Variants in SNTG1 observed in about 807,000 individuals in gnomAD.
The protein encoded by SNTG1 is syntrophin gamma 1.
Under a neutral mutation model 74.7 loss-of-function variants are expected in SNTG1, and 39 were observed. The observed-to-expected ratio is 0.52, with a 90% confidence interval of 0.40 to 0.68. The LOEUF is 0.68. SNTG1 is among the 30% of genes least tolerant of loss of function. The pLI is 0.00. For missense variants in SNTG1, 685 were observed against 609.5 expected (o/e 1.12, Z -1.30); for synonymous variants, 254 against 217.1 (o/e 1.17, Z -1.49).
At chr8:50,339,056 T>C (rs1281940165) in intron 2 of SNTG1, among the ~76,000 whole-genome samples, 2 of 151,870 alleles carry the variant, frequency 1.3e-5, no homozygotes, top group African/African-American at 4.8e-5. Context: ...AGAAAAAAAA[T>C]CACCTTACTT....
At position 50,524,712 on chromosome 8, in the gene SNTG1, A is replaced by G. The variant is rs574862851; in HGVS notation, c.467-5465A>G. Among the ~76,000 whole-genome samples the G allele has an allele frequency of 3.9e-5, 6 of 152,284 alleles. No homozygotes were observed. In the South Asian group the frequency reaches 6.2e-4, roughly 16 times the overall value. ...ACATATTTACATTGTATTTGGTATT[A>G]TATGCAATCTGGAGATGATTTAAAA... is the stretch of plus-strand genomic sequence containing the variant. On this transcript the variant is annotated intron_variant, in intron 9 of 18. Transcript: ENST00000642720.
intron 17 of SNTG1, among the ~76,000 whole-genome samples, chr8:50,720,234 C>A (rs182361519): frequency 6.6e-6 from 1 of 152,298 alleles, no homozygotes; most frequent in Admixed American, 6.5e-5. Context: ...AGATTTAATT[C>A]TATCCTCTTG....
intron 17 of SNTG1, among the ~76,000 whole-genome samples, chr8:50,742,880 G>C (rs563268242): frequency 6.6e-6 from 1 of 151,800 alleles, no homozygotes; most frequent in Admixed American, 6.6e-5. Flanking sequence ...TGGATTAAGA[G>C]ACAATTTTAT....
intron 2 of SNTG1, among the ~76,000 whole-genome samples, chr8:50,257,555 G>A (rs1397030215): frequency 6.6e-6 from 1 of 152,116 alleles, no homozygotes; most frequent in African/African-American, 2.4e-5. Flanking sequence ...AGTTAAGAGG[G>A]GGTAAAATGG....
intron 15 of SNTG1, among the ~76,000 whole-genome samples, chr8:50,693,724 T>G (rs1265085404): frequency 1.3e-5 from 2 of 152,176 alleles, no homozygotes; most frequent in Non-Finnish European, 2.9e-5. Context: ...AAGACAAGTC[T>G]CAGCAAATTT....
chr8:50,052,047 G>A (rs1819621623), intron 1 of SNTG1, among the ~76,000 whole-genome samples: 1 of 152,032 alleles, frequency 6.6e-6, no homozygotes, highest in Non-Finnish European at 1.5e-5. Context: ...TGCAGAAATT[G>A]AGAATCAGAT....
chr8:50,002,830 A>AT (rs1169282690), intron 1 of SNTG1, among the ~76,000 whole-genome samples: 1 of 152,216 alleles, frequency 6.6e-6, no homozygotes, highest in Non-Finnish European at 1.5e-5. Flanking sequence ...GTAATAGCCA[A>AT]AAAACAGAAC....
chr8:50,381,403 A>T lies in SNTG1; in HGVS notation c.-27-12809A>T, dbSNP rs534141929. 4.8e-4 allele frequency among the ~76,000 whole-genome samples: 73 copies of T among 151,626 alleles called. 1 individual carries two copies. The South Asian group carries it at 0.015, about 31-fold the overall frequency. ...AAAGCATTAAAAATTTCATATCTGA[A>T]TAAGAAAAAAAGTAATATGGGAAGA... On this transcript the variant is annotated intron_variant, in intron 2 of 18. Transcript: ENST00000642720.
intron 1 of SNTG1, among the ~76,000 whole-genome samples, chr8:50,118,198 A>G (rs2080887962): frequency 6.6e-6 from 1 of 152,162 alleles, no homozygotes; most frequent in Non-Finnish European, 1.5e-5. Flanking sequence ...TTGACCCACT[A>G]AGAGTCCATT....
intron 1 of SNTG1, among the ~76,000 whole-genome samples, chr8:50,052,475 A>G (rs2130885237): frequency 1.3e-5 from 2 of 152,248 alleles, no homozygotes; most frequent in South Asian, 4.1e-4. Context: ...ACACTCTTAT[A>G]GGAAAATGTA....
intron 8 of SNTG1, among the ~76,000 whole-genome samples, chr8:50,452,106 A>G (rs2093463170): frequency 6.6e-6 from 1 of 152,190 alleles, no homozygotes; most frequent in South Asian, 2.1e-4. Context: ...GCTGCACAAG[A>G]ACCGAGACGA....
At chr8:49,935,237 GTGTT>G (rs1330830112) in intron 1 of SNTG1, among the ~76,000 whole-genome samples, 23 of 146,310 alleles carry the variant, frequency 1.6e-4, no homozygotes, top group African/African-American at 5.5e-4. Flanking sequence ...GTGTGTGTGT[GTGTT>G]TGTGTGTGTT....
chr8:50,039,786 A>AT (rs760660730), intron 1 of SNTG1, among the ~76,000 whole-genome samples: 113 of 152,096 alleles, frequency 7.4e-4, no homozygotes, highest in South Asian at 1.0e-3. Context: ...TCGGTGTTAT[A>AT]TTTTTTCTAG....
At chr8:50,183,580 T>A (rs889866367) in intron 2 of SNTG1, among the ~76,000 whole-genome samples, 1 of 152,184 alleles carries the variant, frequency 6.6e-6, no homozygotes, top group Non-Finnish European at 1.5e-5. Flanking sequence ...ATCAGTATAA[T>A]CACCATTTAC....
At chr8:50,713,577 C>T (rs2095467745) in intron 17 of SNTG1, among the ~76,000 whole-genome samples, 1 of 152,078 alleles carries the variant, frequency 6.6e-6, no homozygotes, top group Non-Finnish European at 1.5e-5. Flanking sequence ...AGTCTTTGCC[C>T]ATGTCTGCGT....
At chr8:50,681,879 C>A (rs2095332259) in intron 15 of SNTG1, among the ~76,000 whole-genome samples, 1 of 152,190 alleles carries the variant, frequency 6.6e-6, no homozygotes, top group Non-Finnish European at 1.5e-5. Flanking sequence ...ACAACCAACA[C>A]AACATGTCCT....
chr8:50,635,938 A>G lies in SNTG1; in HGVS notation c.850-20971A>G, dbSNP rs539329997. On this transcript the variant is annotated intron_variant, in intron 13 of 18. Transcript: ENST00000642720. ...GCTCTGAGTCTTAGCCAAGGCCCACAGTGAGCTCTGCCTGGGTATTGCTGC... is the reference window on the plus strand; with the variant it reads ...GCTCTGAGTCTTAGCCAAGGCCCACGGTGAGCTCTGCCTGGGTATTGCTGC... 3.1e-3 allele frequency among the ~76,000 whole-genome samples: 465 copies of G among 152,190 alleles called. 3 individuals are homozygous for G. The highest frequency in any genetic ancestry group is 0.011 in the African/African-American group (448 of 41,552).
intron 11 of SNTG1, 34 bp from the exon 12 acceptor site, chr8:50,553,016 A>T: frequency 6.2e-7 from 1 of 1,610,198 alleles, no homozygotes; most frequent in Non-Finnish European, 8.5e-7. Context: ...CAATGACATG[A>T]GGTTTTGATC....
At chr8:50,262,793 A>G (rs572498273) in intron 2 of SNTG1, among the ~76,000 whole-genome samples, 155 of 152,266 alleles carry the variant, frequency 1.0e-3, no homozygotes, top group Admixed American at 1.7e-3. Context: ...GTGAAAAGAC[A>G]TGGTAAAACT....
Sources: allele counts gnomAD v4.1 joint callset (sites outside exome capture counted in the v4.1 genomes callset), GRCh38; gene constraint gnomAD v4.1.1; transcripts MANE v1.5; gene names NCBI Gene and HGNC (gene_info 2026-07-23, HGNC 2026-07-21).